Variants in MAN2B1 observed in about 807,000 individuals in gnomAD.
MAN2B1 encodes the protein lysosomal alpha-mannosidase.
MAN2B1 carries 99 observed loss-of-function variants against 127.5 expected under a neutral mutation model. The observed-to-expected ratio is 0.78, with a 90% CI of 0.66 to 0.92. The LOEUF (loss-of-function observed/expected upper bound fraction) is 0.92. Among genes scored for constraint, MAN2B1 ranks in the 40% least tolerant of loss-of-function variants. The probability of loss-of-function intolerance (pLI) is 0.00; values close to 1 mark genes in which losing one functional copy is unlikely to be tolerated. For synonymous variants in MAN2B1, 573 were observed against 568.8 expected, an observed-to-expected ratio of 1.01 and a Z score of -0.11; for missense variants, 1,304 against 1,384.8, an observed-to-expected ratio of 0.94 and a Z score of 0.93.
rs754785139 is a variant in MAN2B1, at chr19:12,652,211, C to T, written c.1988G>A (p.Arg663Lys). ...SDQASGAYIF[R>K]PNQQKPLPVS... ...AGGCAGCGGTTTCTGTTGGTTGGGTCTGAAGATGTAGGCACCTGAGGCCTG... is the reference window on the plus strand; with the variant it reads ...AGGCAGCGGTTTCTGTTGGTTGGGTTTGAAGATGTAGGCACCTGAGGCCTG... Residue 663 changes from arginine (R) to lysine (K), a missense_variant, in exon 16 of 24, where the codon AGA becomes AAA. Transcript: ENST00000456935. 3 of 1,614,050 alleles carry T rather than the reference C, an allele frequency of 1.9e-6. No individual in the cohort carries two copies. The East Asian group carries it at 6.7e-5, about 36-fold the overall frequency.
chr19:12,662,357 G>A (rs146560150), intron 6 of MAN2B1, among the ~76,000 whole-genome samples: 2,281 of 152,072 alleles, frequency 0.015, 58 homozygotes, highest in African/African-American at 0.05. Context: ...AAGGCTGGAC[G>A]CGGTGGCTCA....
rs201690866 is a variant in MAN2B1, at chr19:12,658,352, G to A, written c.1110-8C>T. 1.6e-3 allele frequency: 2,580 copies of A among 1,614,206 alleles called. 2 individuals carry two copies. The highest frequency in any genetic ancestry group is 1.9e-3 in the Non-Finnish European group (2,285 of 1,180,044). ...TCGTCATGTTTCACTGACCTACAGCGGCAGGGGCATTGAGGGCAGGGTCAT... is the reference window on the plus strand; with the variant it reads ...TCGTCATGTTTCACTGACCTACAGCAGCAGGGGCATTGAGGGCAGGGTCAT... On this transcript the variant is annotated splice_region_variant and splice_polypyrimidine_tract_variant and intron_variant, in intron 8 of 23. Coordinates refer to ENST00000456935, the MANE Select transcript of MAN2B1 (RefSeq NM_000528.4).
In MAN2B1 at chr19:12,649,162, G is replaced by C; in HGVS notation, c.2410C>G (p.Leu804Val). The C allele has an allele frequency of 6.2e-7, 1 of 1,612,488 alleles. No homozygotes were observed. Among genetic ancestry groups the C allele is most frequent in the Non-Finnish European group, 8.5e-7 (1 of 1,180,006 alleles). Reference protein sequence around the residue: ...LTDRSQGGSSLRDGSLELMVH... With the variant: ...LTDRSQGGSSVRDGSLELMVH... ...ATGAGCTCCAGCGAGCCATCTCTCA[G>C]GCTGCTGCCCCCCTGGGAGCGGTCA... Residue 804 changes from leucine (L) to valine (V), a missense_variant, in exon 20 of 24, where the codon CTG becomes GTG. By Grantham distance (32) the Leu-to-Val change is conservative (BLOSUM62 1). Transcript: ENST00000456935.
At chr19:12,649,477 CTTTTTTTTTTTT>C (rs36018312) in intron 18 of MAN2B1, 49 bp from the exon 19 acceptor site, 2 of 421,496 alleles carry the variant, frequency 4.7e-6, no homozygotes, top group South Asian at 2.1e-5. Flanking sequence ...CTCCCCAACT[CTTTTTTTTTTTT>C]TTTTTTTTTT....
At chr19:12,650,638 G>A (rs543609171) in intron 16 of MAN2B1, among the ~76,000 whole-genome samples, 50 of 151,370 alleles carry the variant, frequency 3.3e-4, no homozygotes, top group African/African-American at 1.1e-3. Flanking sequence ...GATTACAGGC[G>A]TGAGCCACCG....
At position 12,657,298 on chromosome 19, in the gene MAN2B1, T is replaced by C. The variant is rs369729984; in HGVS notation, c.1419+148A>G. On this transcript the variant is annotated intron_variant, in intron 11 of 23. Transcript: ENST00000456935. ...CCCCGTTCCTGTATCTTTCCCCGCC[T>C]CCTACAAGCCCCGCCCCCACGAGCC... 449 of 158,638 alleles carry C rather than the reference T, an allele frequency of 2.8e-3. 1 individual carries two copies. The East Asian group carries it at 0.077, about 27-fold the overall frequency. 9.8% of individuals were successfully genotyped at this position (158,638 alleles called of 1,614,324 possible).
chr19:12,657,396 C>T, intron 11 of MAN2B1, 50 bp downstream of exon 11: 2 of 1,483,618 alleles, frequency 1.3e-6, no homozygotes, highest in Non-Finnish European at 1.8e-6. Context: ...GCCCTGGCCC[C>T]GCCCCTTCCT....
At chr19:12,663,264 G>C (rs1380129331) in intron 6 of MAN2B1, 53 bp downstream of exon 6, 2 of 1,602,942 alleles carry the variant, frequency 1.2e-6, no homozygotes, top group South Asian at 2.2e-5. Flanking sequence ...ACCATGGAAA[G>C]AGCTCATTGT....
intron 6 of MAN2B1, 104 bp downstream of exon 6, chr19:12,663,213 A>G (rs2024148764): frequency 6.9e-7 from 1 of 1,449,048 alleles, no homozygotes; most frequent in Non-Finnish European, 9.7e-7. Context: ...GACTGTCTCA[A>G]AAAAATTAAA....
At chr19:12,663,536 A>C (rs889833193) in intron 5 of MAN2B1, 74 bp from the exon 6 acceptor site, 9 of 1,593,186 alleles carry the variant, frequency 5.6e-6, no homozygotes, top group Non-Finnish European at 6.0e-6. Flanking sequence ...GCCATGTCCC[A>C]CCCAGGATGG....
In MAN2B1 at chr19:12,657,060, C is replaced by T; in HGVS notation, c.1420-4G>A. The stretch of plus-strand genomic sequence containing the variant: ...CCAGCGCGTTGCTCAGAAGAACCTG[C>T]GGAAGAGCGCAAAGGGACCGGTGGG... On this transcript the variant is annotated splice_region_variant and splice_polypyrimidine_tract_variant and intron_variant, in intron 11 of 23. Transcript: ENST00000456935. The T allele has an allele frequency of 5.7e-6, 9 of 1,583,328 alleles. No individual in the cohort carries two copies. The highest frequency in any genetic ancestry group is 7.8e-6 in the Non-Finnish European group (9 of 1,158,028).
At chr19:12,660,973 G>A in intron 7 of MAN2B1, 1 of 371,112 alleles carries the variant, frequency 2.7e-6, no homozygotes, top group Non-Finnish European at 5.3e-6. Context: ...TGGTCAGGCT[G>A]GTCTCGAATT....
chr19:12,657,321 GC>G, intron 11 of MAN2B1, 124 bp downstream of exon 11: 1 of 721,348 alleles, frequency 1.4e-6, no homozygotes, highest in Non-Finnish European at 2.2e-6. Flanking sequence ...GCCCCCACGA[GC>G]CCTTGTAGCC....
chr19:12,646,571 C>T lies in MAN2B1; in HGVS notation c.*49G>A. ...CCCAAGAGGAGAGTCAGAGTCTGGTCTGCCCCCGGAGCAGGAGGCTTGGGC... is the reference window on the plus strand; with the variant it reads ...CCCAAGAGGAGAGTCAGAGTCTGGTTTGCCCCCGGAGCAGGAGGCTTGGGC... On this transcript the variant is annotated 3_prime_UTR_variant, in exon 24 of 24. Transcript: ENST00000456935. 7.2e-7 allele frequency: 1 copy of T among 1,391,424 alleles called. No individual in the cohort carries two copies. Among genetic ancestry groups the T allele is most frequent in the Non-Finnish European group, 1.0e-6 (1 of 977,564 alleles). The allele number at this position is 1,391,424 out of a possible 1,614,324, so 86.2% of individuals were successfully genotyped here.
Position 12,647,784 on chromosome 19 carries a change from T to G in MAN2B1, c.2665-186A>C, listed in dbSNP as rs962341276. ...AGGACTGAGCCAATGGGGAGATGGG[T>G]CGGTCCCAAGCTTAGGGTTCGAGTC... is the stretch of plus-strand genomic sequence containing the variant. On this transcript the variant is annotated intron_variant, in intron 21 of 23. Transcript: ENST00000456935. The surrounding 1 kb of genome is among the most constrained non-coding windows in gnomAD (Gnocchi z 4.9). 15 of 612,172 alleles carry G rather than the reference T, an allele frequency of 2.5e-5. No individual in the cohort carries two copies. The highest frequency in any genetic ancestry group is 4.3e-5 in the Non-Finnish European group (15 of 347,952). The allele number at this position is 612,172 out of a possible 1,614,324, so 37.9% of individuals were successfully genotyped here.
chr19:12,649,419 A>G lies in MAN2B1; in HGVS notation c.2277T>C (p.Tyr759=). The G allele has an allele frequency of 6.3e-7, 1 of 1,592,980 alleles. No homozygotes were observed. The highest frequency in any genetic ancestry group is 1.1e-5 in the South Asian group (1 of 90,558). ...GREILERRRD[Y]RPTWKLNQTE... ...TCTGGTTCAGTTTCCAGGTGGGTCG[A>G]TAATCCCGCCTGGGGTTGGGGGTGA... is the stretch of plus-strand genomic sequence containing the variant. The change falls in exon 19 of 24, where the codon TAT becomes TAC. Residue 759 remains tyrosine (Y), a synonymous_variant. Coordinates refer to ENST00000456935, the MANE Select transcript of MAN2B1 (RefSeq NM_000528.4).
Position 12,661,259 on chromosome 19 carries a change from C to T in MAN2B1, c.1026+1G>A. The T allele has an allele frequency of 1.9e-6, 3 of 1,603,750 alleles. No individual in the cohort carries two copies. Among genetic ancestry groups the T allele is most frequent in the Non-Finnish European group, 1.7e-6 (2 of 1,170,602 alleles). On this transcript the variant is annotated splice_donor_variant, in intron 7 of 23. Transcript: ENST00000456935. LOFTEE classifies it high-confidence loss of function. ...GGGTACCACAGGGTAGGCGCACTGACCTGCGCATTTACCAGCCGGATGAGC... is the reference window on the plus strand; with the variant it reads ...GGGTACCACAGGGTAGGCGCACTGATCTGCGCATTTACCAGCCGGATGAGC...
At position 12,649,999 on chromosome 19, in the gene MAN2B1, C is replaced by G. The variant is rs142210875; in HGVS notation, c.2181G>C (p.Lys727Asn). The change falls in exon 18 of 24, where the codon AAG (lysine) becomes AAC (asparagine). Residue 727 changes from lysine to asparagine, a missense_variant. Physicochemically the swap from Lys to Asn is moderately conservative, Grantham distance 94 (BLOSUM62 0). Transcript: ENST00000456935. ...GPIPVGDTWG[K>N]EVISRFDTPL... ...GTGTGTCAAAACGGCTGATGACCTC[C>G]TTCCCCCAGGTGTCGCTGTACCCAA... 19 of 1,613,942 alleles carry G rather than the reference C, an allele frequency of 1.2e-5. No homozygotes were observed. The highest frequency in any genetic ancestry group is 1.6e-5 in the Non-Finnish European group (19 of 1,179,996).
chr19:12,658,025 AG>A, intron 10 of MAN2B1, 37 bp downstream of exon 10: 8 of 1,580,678 alleles, frequency 5.1e-6, no homozygotes, highest in Non-Finnish European at 6.9e-6. Context: ...TTCCAACTTC[AG>A]CCGCAAACCT....
Sources: allele counts gnomAD v4.1 joint callset (sites outside exome capture counted in the v4.1 genomes callset), GRCh38; gene constraint gnomAD v4.1.1; non-coding constraint Gnocchi (gnomAD v3.1); transcripts MANE v1.5; gene names NCBI Gene and HGNC (gene_info 2026-07-23, HGNC 2026-07-21).